The following ODF1 variants were observed in gnomAD, a reference collection of about 807,000 sequenced individuals.
ODF1 encodes the protein outer dense fiber protein 1.
A neutral mutation model predicts 24.0 loss-of-function variants in ODF1; 10 were observed. That is an observed-to-expected ratio of 0.42 (90% CI 0.26 to 0.71). ODF1 has a LOEUF of 0.71. Among genes scored for constraint, ODF1 ranks in the 30% least tolerant of loss-of-function variants. The pLI is 0.28. For synonymous variants in ODF1, 118 were observed against 121.3 expected, an observed-to-expected ratio of 0.97 and a Z score of 0.18; for missense variants, 282 against 307.9, an observed-to-expected ratio of 0.92 and a Z score of 0.63.
At chr8:102,553,015 G>GATAC (rs977265512) in intron 1 of ODF1, among the ~76,000 whole-genome samples, 1 of 61,050 alleles carries the variant, frequency 1.6e-5, no homozygotes, top group East Asian at 3.7e-4. Context: ...TAGATAGATA[G>GATAC]ATGATAGATA....
chr8:102,552,123 A>C, intron 1 of ODF1, 76 bp downstream of exon 1: 1 of 1,020,366 alleles, frequency 9.8e-7, no homozygotes, highest in Non-Finnish European at 1.4e-6. Flanking sequence ...AATATGTGAC[A>C]ATCAATAGTT....
rs759194568 is a variant in ODF1 at position 102,551,717 on chromosome 8, G to A, written c.-11G>A. On this transcript the variant is annotated 5_prime_UTR_variant, in exon 1 of 2. It adds an upstream start codon to the 5' untranslated region. Coordinates refer to ENST00000285402, the MANE Select transcript of ODF1 (RefSeq NM_024410.4). Reference sequence around the variant, plus strand: ...CCAAAGGTACTCACAGAACAATCAGGTGTGACCATAATGGCTGCACTGAGT... The same window carrying A: ...CCAAAGGTACTCACAGAACAATCAGATGTGACCATAATGGCTGCACTGAGT... 1.3e-6 allele frequency: 2 copies of A among 1,573,604 alleles called. No individual in the cohort carries two copies. Among genetic ancestry groups the A allele is most frequent in the Non-Finnish European group, 1.7e-6 (2 of 1,153,950 alleles).
At chr8:102,553,251 C>T (rs2117333) in intron 1 of ODF1, among the ~76,000 whole-genome samples, 6,727 of 150,446 alleles carry the variant, frequency 0.045, 273 homozygotes, top group South Asian at 0.18. Context: ...GTGGCACGTG[C>T]CTGTAATCCC....
chr8:102,553,751 T>C (rs1206081415), intron 1 of ODF1, among the ~76,000 whole-genome samples: 1 of 152,272 alleles, frequency 6.6e-6, no homozygotes. Context: ...TCTTGATGCC[T>C]CTTTCAGAAG....
chr8:102,551,880 A>G lies in ODF1; in HGVS notation c.153A>G (p.Pro51=), dbSNP rs1826045881. Residue 51 remains proline, a synonymous_variant, in exon 1 of 2, where the codon CCA becomes CCG. Transcript: ENST00000285402. ...CCTATTGCTGCTGTGACTTGCACCC[A>G]TATCCGTACTGCTTGTGCTATTCCA... is the stretch of plus-strand genomic sequence containing the variant. ...MHPYCCCDLH[P]YPYCLCYSKR... 3.1e-6 allele frequency: 5 copies of G among 1,614,148 alleles called. No individual in the cohort carries two copies. The highest frequency in any genetic ancestry group is 4.2e-6 in the Non-Finnish European group (5 of 1,180,036).
intron 1 of ODF1, among the ~76,000 whole-genome samples, chr8:102,560,233 C>T (rs1251749255): frequency 2.7e-5 from 4 of 147,538 alleles, no homozygotes; most frequent in Non-Finnish European, 4.4e-5. Flanking sequence ...GCAGGCAGCA[C>T]GCATTCATTG....
intron 1 of ODF1, among the ~76,000 whole-genome samples, chr8:102,556,606 C>G (rs1010681236): frequency 2.6e-5 from 4 of 152,076 alleles, no homozygotes; most frequent in Non-Finnish European, 1.5e-5. Flanking sequence ...GACAACCACG[C>G]CTGGCTAATC....
chr8:102,554,960 AAAAT>A (rs763561619), intron 1 of ODF1, among the ~76,000 whole-genome samples: 1 of 152,278 alleles, frequency 6.6e-6, no homozygotes, highest in South Asian at 2.1e-4. Context: ...CCTGTTTCAA[AAAAT>A]AAATAAATAA....
chr8:102,554,029 GA>G (rs1229599914), intron 1 of ODF1, among the ~76,000 whole-genome samples: 1 of 95,704 alleles, frequency 1.0e-5, no homozygotes, highest in Non-Finnish European at 2.3e-5. Context: ...ACCACCTTGT[GA>G]AATTTCTATG....
At chr8:102,558,575 A>T (rs376773780) in intron 1 of ODF1, among the ~76,000 whole-genome samples, 4 of 152,236 alleles carry the variant, frequency 2.6e-5, no homozygotes, top group African/African-American at 9.6e-5. Flanking sequence ...TCATTTTATA[A>T]TTAGCCACTA....
intron 1 of ODF1, among the ~76,000 whole-genome samples, chr8:102,553,007 G>A (rs1186879863): frequency 1.2e-5 from 1 of 84,954 alleles, no homozygotes; most frequent in African/African-American, 4.6e-5. Context: ...TAGATAGATA[G>A]ATAGATAGAT....
intron 1 of ODF1, among the ~76,000 whole-genome samples, chr8:102,558,320 G>A (rs1208494917): frequency 6.6e-6 from 1 of 152,194 alleles, no homozygotes; most frequent in African/African-American, 2.4e-5. Context: ...CGAGCATGGT[G>A]GCGGGCACCT....
At chr8:102,560,053 A>T (rs1043706648) in intron 1 of ODF1, among the ~76,000 whole-genome samples, 1 of 151,520 alleles carries the variant, frequency 6.6e-6, no homozygotes, top group Non-Finnish European at 1.5e-5. Context: ...TCATAATCTC[A>T]TCTAATCCTC....
chr8:102,559,049 CAA>C (rs200614583), intron 1 of ODF1, among the ~76,000 whole-genome samples: 1,828 of 124,942 alleles, frequency 0.015, 83 homozygotes, highest in African/African-American at 0.045. Flanking sequence ...CAGCACATTG[CAA>C]AAAAAAAAAA....
chr8:102,552,986 A>AGAT (rs1826061624), intron 1 of ODF1, among the ~76,000 whole-genome samples: 1 of 68,020 alleles, frequency 1.5e-5, no homozygotes, highest in African/African-American at 5.7e-5. Flanking sequence ...ACAGATAGAT[A>AGAT]GATAGATAGA....
intron 1 of ODF1, among the ~76,000 whole-genome samples, chr8:102,559,058 AAAAAAG>A (rs1190412064): frequency 6.6e-6 from 1 of 151,508 alleles, no homozygotes; most frequent in Non-Finnish European, 1.5e-5. Flanking sequence ...GCAAAAAAAA[AAAAAAG>A]AAAAGACAAA....
chr8:102,558,194 G>A (rs1826135530), intron 1 of ODF1, among the ~76,000 whole-genome samples: 1 of 152,232 alleles, frequency 6.6e-6, no homozygotes. Flanking sequence ...GCTCACGCCT[G>A]TAATCCCAGC....
intron 1 of ODF1, among the ~76,000 whole-genome samples, chr8:102,556,211 G>C (rs546969751): frequency 2.6e-5 from 4 of 152,138 alleles, no homozygotes; most frequent in Non-Finnish European, 5.9e-5. Flanking sequence ...ACTAGGTGGT[G>C]GCAGAGCCAA....
In ODF1 at chr8:102,560,201, A is replaced by T. The variant is rs570437060; in HGVS notation, c.321-251A>T. ...AATAAGAGGAGGAGCTGGTATTTCAATACGAGAGAAGATTTGGAAGGGCAG... is the reference window on the plus strand; with the variant it reads ...AATAAGAGGAGGAGCTGGTATTTCATTACGAGAGAAGATTTGGAAGGGCAG... On this transcript the variant is annotated intron_variant, in intron 1 of 1. Transcript: ENST00000285402. Among the ~76,000 whole-genome samples, 4 of 148,232 alleles carry T rather than the reference A, an allele frequency of 2.7e-5. No homozygotes were observed. The East Asian group carries it at 7.7e-4, about 29-fold the overall frequency.
Sources: gnomAD v4.1 joint callset for allele counts (sites outside exome capture counted in the v4.1 genomes callset) on GRCh38, gnomAD v4.1.1 for gene constraint, MANE v1.5 for transcripts, NCBI Gene and HGNC (gene_info 2026-07-23, HGNC 2026-07-21) for gene names.